The following GRAMD1B variants were observed in gnomAD, a reference collection of about 807,000 sequenced individuals.
GRAMD1B encodes GRAM domain containing 1B.
GRAMD1B carries 37 observed loss-of-function variants against 99.7 expected under a neutral mutation model. The ratio of observed to expected loss-of-function variants is 0.37; its 90% confidence interval spans 0.29 to 0.49. GRAMD1B has a LOEUF of 0.49. Ranked by LOEUF, GRAMD1B falls within the 20% of genes least tolerant of loss-of-function variation. The probability of loss-of-function intolerance (pLI) is 0.98; values close to 1 mark genes in which losing one functional copy is unlikely to be tolerated. For synonymous variants in GRAMD1B, 427 were observed against 387.6 expected (o/e 1.10, Z -1.19); for missense variants, 888 against 1,009.2 (o/e 0.88, Z 1.63).
intron 19 of GRAMD1B, among the ~76,000 whole-genome samples, chr11:123,621,770 G>T (rs762114602): frequency 1.3e-5 from 2 of 152,202 alleles, no homozygotes; most frequent in African/African-American, 2.4e-5. Context: ...AGAGGCTCTT[G>T]GTAGCAGTTG....
intron 17 of GRAMD1B, 37 bp from the exon 18 acceptor site, chr11:123,618,656 C>A: frequency 1.7e-6 from 2 of 1,152,040 alleles, no homozygotes; most frequent in Non-Finnish European, 2.6e-6. Flanking sequence ...GGTGACATCT[C>A]ACTGCTGATG....
intron 2 of GRAMD1B, among the ~76,000 whole-genome samples, chr11:123,558,406 T>C (rs1182051217): frequency 2.0e-5 from 3 of 152,106 alleles, no homozygotes; most frequent in African/African-American, 7.2e-5. Context: ...GAACCTGCAA[T>C]TAAGTTCTAA....
intron 2 of GRAMD1B, among the ~76,000 whole-genome samples, chr11:123,559,991 G>A (rs1156751972): frequency 6.6e-6 from 1 of 152,146 alleles, no homozygotes; most frequent in Non-Finnish European, 1.5e-5. Context: ...GAAATAATTG[G>A]TGGCAGCGAA....
rs1948830623 is a variant in GRAMD1B at position 123,577,395 on chromosome 11, C to G, written c.481C>G (p.Pro161Ala). The change falls in exon 3 of 20, where the codon CCG becomes GCG. Residue 161 changes from proline (P) to alanine (A), a missense_variant. Physicochemically the swap from Pro to Ala is conservative, Grantham distance 27. Coordinates refer to ENST00000635736, the MANE Select transcript of GRAMD1B (RefSeq NM_001387025.1). The part of the protein sequence containing the change: ...STASNSNRST[P>A]ACSPILRKRS... ...TGCCAGTAACTCCAACCGCAGCACG[C>G]CGGCCTGCTCGCCCATCCTCCGGAA... The G allele has an allele frequency of 7.5e-6, 12 of 1,593,022 alleles. No individual in the cohort carries two copies. Among genetic ancestry groups the G allele is most frequent in the Non-Finnish European group, 1.0e-5 (12 of 1,170,356 alleles).
intron 3 of GRAMD1B, among the ~76,000 whole-genome samples, chr11:123,583,883 A>T (rs1285361546): frequency 1.3e-5 from 2 of 152,092 alleles, no homozygotes; most frequent in Non-Finnish European, 2.9e-5. Flanking sequence ...TTCTACCTCG[A>T]AAGTGTCCCA....
At chr11:123,465,772 A>G (rs986521723) in intron 1 of GRAMD1B, among the ~76,000 whole-genome samples, 7 of 121,518 alleles carry the variant, frequency 5.8e-5, no homozygotes, top group Non-Finnish European at 1.2e-4. Flanking sequence ...TCCATCTCGA[A>G]AGAAAAAAAA....
intron 1 of GRAMD1B, among the ~76,000 whole-genome samples, chr11:123,359,262 C>G (rs1046756408): frequency 1.3e-4 from 19 of 151,232 alleles, no homozygotes; most frequent in Admixed American, 1.3e-4. Flanking sequence ...ACCTGGCTGC[C>G]CCATCAGTCT....
In GRAMD1B at chr11:123,408,278, G is replaced by A. The variant is rs76853141; in HGVS notation, c.-176+49479G>A. On this transcript the variant is annotated intron_variant, in intron 1 of 20. Coordinates refer to the GRAMD1B transcript ENST00000638157. Reference sequence around the variant, plus strand: ...AATAGAAAATGAAGTGAAATGGAAAGGAATTCTAACATGGCATTACACTGG... The same window carrying A: ...AATAGAAAATGAAGTGAAATGGAAAAGAATTCTAACATGGCATTACACTGG... 1.8e-3 allele frequency among the ~76,000 whole-genome samples: 271 copies of A among 152,342 alleles called. 1 individual carries two copies. Among genetic ancestry groups the A allele is most frequent in the Non-Finnish European group, 2.5e-3 (168 of 68,030 alleles).
At chr11:123,619,507 T>G in intron 19 of GRAMD1B, 1 of 1,221,458 alleles carries the variant, frequency 8.2e-7, no homozygotes, top group Non-Finnish European at 1.0e-6. Context: ...ATTTTTATTT[T>G]TGGTAACCCA....
chr11:123,497,606 T>C (rs944327242), intron 2 of GRAMD1B, among the ~76,000 whole-genome samples: 5 of 152,178 alleles, frequency 3.3e-5, no homozygotes, highest in Non-Finnish European at 5.9e-5. Flanking sequence ...TCTATTCTAC[T>C]GCAGCTAAGC....
At chr11:123,548,291 A>AATATATATATATATATATATATATAT (rs139996126) in intron 2 of GRAMD1B, among the ~76,000 whole-genome samples, 4 of 75,136 alleles carry the variant, frequency 5.3e-5, no homozygotes, top group Non-Finnish European at 7.3e-5. Flanking sequence ...GCTGTGCCAA[A>AATATATATATATATATATATATATAT]ATATATATAT....
intron 1 of GRAMD1B, chr11:123,460,434 G>C (rs1265132471): frequency 6.6e-6 from 1 of 152,190 alleles, no homozygotes; most frequent in Admixed American, 6.5e-5. Flanking sequence ...AACTTGAAGA[G>C]GGTTAATTGG....
intron 1 of GRAMD1B, among the ~76,000 whole-genome samples, chr11:123,444,760 G>C (rs1340823799): frequency 6.6e-6 from 1 of 152,110 alleles, no homozygotes; most frequent in Non-Finnish European, 1.5e-5. Context: ...GCACCTGCAC[G>C]AGTTCAGCAA....
intron 1 of GRAMD1B, among the ~76,000 whole-genome samples, chr11:123,420,652 A>T (rs936007276): frequency 2.6e-5 from 4 of 152,222 alleles, no homozygotes; most frequent in Admixed American, 6.5e-5. Flanking sequence ...TTAATCTCCC[A>T]AATTGCAAAT....
At chr11:123,546,275 T>TGG (rs1945034531) in intron 2 of GRAMD1B, among the ~76,000 whole-genome samples, 1 of 152,130 alleles carries the variant, frequency 6.6e-6, no homozygotes, top group Admixed American at 6.5e-5. Context: ...CAGGAGTATG[T>TGG]GGGAGGCATT....
chr11:123,518,052 T>C (rs945728706), intron 2 of GRAMD1B, among the ~76,000 whole-genome samples: 1 of 152,138 alleles, frequency 6.6e-6, no homozygotes, highest in African/African-American at 2.4e-5. Context: ...GCAGGAGAGA[T>C]GTTTTCTTTT....
At chr11:123,507,505 C>T (rs1175318615) in intron 2 of GRAMD1B, among the ~76,000 whole-genome samples, 1 of 151,988 alleles carries the variant, frequency 6.6e-6, no homozygotes, top group East Asian at 1.9e-4. Context: ...TTTATTGTGG[C>T]TGGAAAAAAA....
At chr11:123,593,893 C>T (rs1950954967) in intron 4 of GRAMD1B, among the ~76,000 whole-genome samples, 189 bp from the exon 5 acceptor site, 1 of 152,180 alleles carries the variant, frequency 6.6e-6, no homozygotes, top group African/African-American at 2.4e-5. Flanking sequence ...TTTCCCAGCA[C>T]CAGATTCTCC....
chr11:123,461,835 A>G, intron 1 of GRAMD1B, among the ~76,000 whole-genome samples: 1 of 150,414 alleles, frequency 6.6e-6, no homozygotes, highest in African/African-American at 2.5e-5. Context: ...CAAACTCCTG[A>G]CCTCATGCGA....
Sources: allele counts gnomAD v4.1 joint callset (sites outside exome capture counted in the v4.1 genomes callset), GRCh38; gene constraint gnomAD v4.1.1; transcripts MANE v1.5; gene names NCBI Gene and HGNC (gene_info 2026-07-23, HGNC 2026-07-21).